Variants in HIP1 observed in about 807,000 individuals in gnomAD.
HIP1 encodes the protein huntingtin-interacting protein 1.
Under a neutral mutation model 147.6 loss-of-function variants are expected in HIP1, and 65 were observed. The ratio of observed to expected loss-of-function variants is 0.44; its 90% CI spans 0.36 to 0.54. The LOEUF (loss-of-function observed/expected upper bound fraction) is 0.54. HIP1 is among the 20% of genes least tolerant of loss of function. The probability of loss-of-function intolerance (pLI) is 0.00; values close to 1 mark genes in which losing one functional copy is unlikely to be tolerated. For synonymous variants in HIP1, 479 were observed against 504.0 expected (o/e 0.95, Z 0.67); for missense variants, 1,061 against 1,299.6 (o/e 0.82, Z 2.82).
chr7:75,696,900 C>T (rs1157631141), intron 1 of HIP1, among the ~76,000 whole-genome samples: 7 of 151,710 alleles, frequency 4.6e-5, no homozygotes, highest in African/African-American at 1.7e-4. Flanking sequence ...GTGCCAGGCC[C>T]AGTGTTTTTC....
rs587724287 is a variant in HIP1, at chr7:75,594,991, A to G, written c.185-2477T>C. ...CTTTACTCAGCAAGGCTAGGTCGCA[A>G]GTGCACTGTCATTTAGGGCAGAAGG... On this transcript the variant is annotated intron_variant, in intron 2 of 30. Transcript: ENST00000336926. 3.9e-4 allele frequency among the ~76,000 whole-genome samples: 60 copies of G among 152,068 alleles called. No individual in the cohort carries two copies. The South Asian group carries it at 0.012, about 31-fold the overall frequency.
At chr7:75,663,590 G>A (rs1799383223) in intron 1 of HIP1, among the ~76,000 whole-genome samples, 1 of 151,930 alleles carries the variant, frequency 6.6e-6, no homozygotes, top group African/African-American at 2.4e-5. Context: ...TCTGTGCAGG[G>A]ACAGCTCTGA....
intron 19 of HIP1, among the ~76,000 whole-genome samples, chr7:75,555,102 G>A (rs996357785): frequency 2.0e-5 from 3 of 148,342 alleles, no homozygotes; most frequent in Admixed American, 1.4e-4. Flanking sequence ...GGGGAGGATT[G>A]TGTGAGCCCA....
rs188067955 is a variant in HIP1, at chr7:75,619,098, C to G, written c.121-19851G>C. On this transcript the variant is annotated intron_variant, in intron 1 of 30. Coordinates refer to ENST00000336926, the MANE Select transcript of HIP1 (RefSeq NM_005338.7). ...ATCCTGTACCCCGAGTTTGTACACACACCCCTAGATTCCTTTGCTCCACCC... is the reference window on the plus strand; with the variant it reads ...ATCCTGTACCCCGAGTTTGTACACAGACCCCTAGATTCCTTTGCTCCACCC... Among the ~76,000 whole-genome samples the G allele has an allele frequency of 5.6e-4, 85 of 152,316 alleles. 1 individual carries two copies. The highest frequency in any genetic ancestry group is 2.2e-3 in the Admixed American group (33 of 15,286).
At chr7:75,570,701 T>A (rs1554496472) in intron 8 of HIP1, among the ~76,000 whole-genome samples, 1 of 152,042 alleles carries the variant, frequency 6.6e-6, no homozygotes, top group Non-Finnish European at 1.5e-5. Flanking sequence ...AAAACAAAAA[T>A]AAATGTTTAT....
At chr7:75,566,491 A>G (rs1258352002) in intron 9 of HIP1, among the ~76,000 whole-genome samples, 3 of 151,510 alleles carry the variant, frequency 2.0e-5, no homozygotes, top group Non-Finnish European at 4.4e-5. Context: ...AAATTTCTAG[A>G]AAAAAAGTGG....
chr7:75,618,553 C>T (rs587617363), intron 1 of HIP1, among the ~76,000 whole-genome samples: 1 of 152,234 alleles, frequency 6.6e-6, no homozygotes, highest in South Asian at 2.1e-4. Flanking sequence ...TCCCAAAGTG[C>T]CGGGATTACA....
intron 29 of HIP1, among the ~76,000 whole-genome samples, chr7:75,540,941 G>A (rs1554489736): frequency 2.0e-5 from 3 of 152,106 alleles, no homozygotes; most frequent in African/African-American, 4.8e-5. Context: ...GTAAAGGAAC[G>A]TTAGTCCAAG....
Position 75,647,211 on chromosome 7 carries a change from C to CAAAAAAAAAAAAAA in HIP1, c.121-47978_121-47965dup, listed in dbSNP as rs60972195. 4.3e-4 allele frequency among the ~76,000 whole-genome samples: 25 copies of CAAAAAAAAAAAAAA among 58,002 alleles called. 6 individuals carry two copies. Among genetic ancestry groups the CAAAAAAAAAAAAAA allele is most frequent in the East Asian group, 1.3e-3 (2 of 1,538 alleles). 38.1% of individuals were successfully genotyped at this position (58,002 alleles called of 152,430 possible). On this transcript the variant is annotated intron_variant, in intron 1 of 30. Coordinates refer to ENST00000336926, the MANE Select transcript of HIP1 (RefSeq NM_005338.7). Reference sequence around the variant, plus strand: ...CGAAACCCCATCTCTACTAAAAATACAAAAAAAAAAAAAAAAAAAAAAAAA... The same window carrying CAAAAAAAAAAAAAA: ...CGAAACCCCATCTCTACTAAAAATACAAAAAAAAAAAAAAAAAAAAAAAAAAAAAAAAAAAAAAA...
intron 4 of HIP1, among the ~76,000 whole-genome samples, chr7:75,587,428 T>G (rs1796326725): frequency 6.6e-6 from 1 of 152,246 alleles, no homozygotes; most frequent in Non-Finnish European, 1.5e-5. Flanking sequence ...CTATTTTTCT[T>G]GCTTAATATG....
chr7:75,602,649 C>A (rs1446668125), intron 1 of HIP1, among the ~76,000 whole-genome samples: 1 of 151,656 alleles, frequency 6.6e-6, no homozygotes, highest in Non-Finnish European at 1.5e-5. Context: ...ACTACAGGCG[C>A]CTGCCACCAC....
chr7:75,590,799 GT>G (rs1163882383), intron 4 of HIP1, among the ~76,000 whole-genome samples: 4 of 152,196 alleles, frequency 2.6e-5, no homozygotes, highest in Non-Finnish European at 5.9e-5. Flanking sequence ...CTAGCACACA[GT>G]TGGGAAATCT....
intron 2 of HIP1, 26 bp from the exon 3 acceptor site, chr7:75,592,540 G>C (rs373621025): frequency 1.1e-5 from 17 of 1,605,524 alleles, no homozygotes; most frequent in South Asian, 2.2e-5. Flanking sequence ...GGAAAACAAC[G>C]GATGGGCTCT....
chr7:75,723,808 C>A (rs1554522009), intron 1 of HIP1, among the ~76,000 whole-genome samples: 1 of 152,110 alleles, frequency 6.6e-6, no homozygotes, highest in East Asian at 1.9e-4. Flanking sequence ...TTTGCAAAGT[C>A]CCTTCTGCCA....
intron 1 of HIP1, among the ~76,000 whole-genome samples, chr7:75,735,012 T>C (rs1311278648): frequency 6.6e-6 from 1 of 152,222 alleles, no homozygotes; most frequent in African/African-American, 2.4e-5. Context: ...CTGTCTCGGG[T>C]TCGTCTCCCC....
intron 1 of HIP1, among the ~76,000 whole-genome samples, chr7:75,618,728 T>C (rs1584887862): frequency 6.6e-6 from 1 of 152,240 alleles, no homozygotes; most frequent in Non-Finnish European, 1.5e-5. Context: ...AACCATCCCT[T>C]ATCCAGCTCT....
At chr7:75,578,344 A>T (rs1795916480) in intron 7 of HIP1, among the ~76,000 whole-genome samples, 1 of 152,044 alleles carries the variant, frequency 6.6e-6, no homozygotes, top group Non-Finnish European at 1.5e-5. Context: ...AATTCTAAGA[A>T]TCTCACTCAC....
At chr7:75,610,384 G>GT (rs1797389940) in intron 1 of HIP1, among the ~76,000 whole-genome samples, 1 of 151,362 alleles carries the variant, frequency 6.6e-6, no homozygotes, top group South Asian at 2.1e-4. Flanking sequence ...TAATTTTTTT[G>GT]TATTTTTTGT....
intron 1 of HIP1, among the ~76,000 whole-genome samples, chr7:75,723,911 G>A (rs1554522039): frequency 1.3e-5 from 2 of 151,300 alleles, no homozygotes; most frequent in Admixed American, 6.6e-5. Context: ...CAGTGCGCCC[G>A]GCTAATTTTT....
Sources: allele counts gnomAD v4.1 joint callset (sites outside exome capture counted in the v4.1 genomes callset), GRCh38; gene constraint gnomAD v4.1.1; transcripts MANE v1.5; gene names NCBI Gene and HGNC (gene_info 2026-07-23, HGNC 2026-07-21).